The following RCSD1 variants were observed in gnomAD, a reference collection of about 807,000 sequenced individuals.
RCSD1 encodes capZ-interacting protein.
RCSD1 carries 26 observed loss-of-function variants against 42.5 expected under a neutral mutation model. That is an observed-to-expected ratio of 0.61 (90% CI 0.45 to 0.85). RCSD1 has a LOEUF of 0.85. Among genes scored for constraint, RCSD1 ranks in the 40% least tolerant of loss-of-function variants. The pLI, the probability that RCSD1 is intolerant of heterozygous loss-of-function variation, is 0.00. For missense variants in RCSD1, 571 were observed against 528.3 expected (o/e 1.08, Z -0.79); for synonymous variants, 220 against 212.2 (o/e 1.04, Z -0.32).
At chr1:167,668,205 A>T (rs1047998062) in intron 1 of RCSD1, among the ~76,000 whole-genome samples, 2 of 151,980 alleles carry the variant, frequency 1.3e-5, no homozygotes, top group Non-Finnish European at 2.9e-5. Context: ...GAATCGCTTG[A>T]ACCTGGCAGG....
chr1:167,687,486 G>T (rs1042858941), intron 3 of RCSD1, among the ~76,000 whole-genome samples: 1 of 148,250 alleles, frequency 6.7e-6, no homozygotes, highest in Non-Finnish European at 1.5e-5. Context: ...TCGCGCCACC[G>T]CACTCCAGCC....
In RCSD1 at chr1:167,648,979, A is replaced by C. The variant is rs742470; in HGVS notation, c.6+18550A>C. 3.3e-5 allele frequency among the ~76,000 whole-genome samples: 5 copies of C among 152,316 alleles called. No homozygotes were observed. In the East Asian group the frequency reaches 9.6e-4, roughly 29 times the overall value. Reference sequence around the variant, plus strand: ...GTAATAAAACTTGGATCCTGCCCTCAGGGAGGTTGCAGTCTGGTAAGACAG... The same window carrying C: ...GTAATAAAACTTGGATCCTGCCCTCCGGGAGGTTGCAGTCTGGTAAGACAG... On this transcript the variant is annotated intron_variant, in intron 1 of 6. Coordinates refer to ENST00000367854, the MANE Select transcript of RCSD1 (RefSeq NM_052862.4).
chr1:167,684,711 C>T (rs745921796), intron 2 of RCSD1, among the ~76,000 whole-genome samples: 33 of 152,050 alleles, frequency 2.2e-4, no homozygotes, highest in Non-Finnish European at 3.4e-4. Context: ...CCCGTCTCCA[C>T]TAAAAATACA....
chr1:167,662,705 C>T (rs1429904436), intron 1 of RCSD1, among the ~76,000 whole-genome samples: 1 of 152,160 alleles, frequency 6.6e-6, no homozygotes, highest in Non-Finnish European at 1.5e-5. Flanking sequence ...CAGGGAGTTC[C>T]ACTCCTAAAA....
intron 1 of RCSD1, among the ~76,000 whole-genome samples, chr1:167,659,194 G>C (rs1658490297): frequency 6.6e-6 from 1 of 152,026 alleles, no homozygotes; most frequent in Admixed American, 6.6e-5. Context: ...ATGTTGATTG[G>C]CGTTTTGAAT....
intron 1 of RCSD1, among the ~76,000 whole-genome samples, chr1:167,634,941 A>AGTGT (rs68149146): frequency 0.017 from 2,453 of 146,594 alleles, 57 homozygotes; most frequent in African/African-American, 0.051. Context: ...CTATGATGAG[A>AGTGT]GTGTGTGTGT....
At chr1:167,672,069 ACTC>A (rs200679630) in intron 1 of RCSD1, among the ~76,000 whole-genome samples, 15 of 149,206 alleles carry the variant, frequency 1.0e-4, no homozygotes, top group East Asian at 9.9e-4. Context: ...CTCAATGTCA[ACTC>A]CTCCTCCTCC....
intron 1 of RCSD1, among the ~76,000 whole-genome samples, chr1:167,678,334 C>T (rs1468107621): frequency 6.6e-6 from 1 of 152,172 alleles, no homozygotes; most frequent in African/African-American, 2.4e-5. Context: ...GTCTAATAGA[C>T]ATGTCAGACT....
At chr1:167,635,169 C>T (rs1387422897) in intron 1 of RCSD1, among the ~76,000 whole-genome samples, 3 of 152,098 alleles carry the variant, frequency 2.0e-5, no homozygotes, top group African/African-American at 4.8e-5. Context: ...CCCACAGCCT[C>T]GCTGTTTTTT....
chr1:167,662,832 G>A (rs1485402130), intron 1 of RCSD1, among the ~76,000 whole-genome samples: 1 of 152,160 alleles, frequency 6.6e-6, no homozygotes, highest in Non-Finnish European at 1.5e-5. Context: ...TGAGTTCCCT[G>A]GCCGAGTTTC....
chr1:167,630,720 CTAAAAA>C (rs1657674365), intron 1 of RCSD1: 1 of 3,640 alleles, frequency 2.7e-4, no homozygotes, highest in African/African-American at 5.1e-4. Flanking sequence ...AACTTAAATG[CTAAAAA>C]AAAAAAAAAA....
chr1:167,640,204 C>T (rs1314530208), intron 1 of RCSD1, among the ~76,000 whole-genome samples: 1 of 152,194 alleles, frequency 6.6e-6, no homozygotes, highest in Non-Finnish European at 1.5e-5. Context: ...CTCAAAACAA[C>T]AGAAACGTCT....
chr1:167,661,118 G>T (rs1239832725), intron 1 of RCSD1, among the ~76,000 whole-genome samples: 1 of 152,178 alleles, frequency 6.6e-6, no homozygotes, highest in Non-Finnish European at 1.5e-5. Context: ...TACATATTGG[G>T]ATTTCCTTAT....
intron 1 of RCSD1, among the ~76,000 whole-genome samples, chr1:167,660,058 C>T (rs1658506825): frequency 6.6e-6 from 1 of 152,220 alleles, no homozygotes; most frequent in African/African-American, 2.4e-5. Context: ...ATATTTACCC[C>T]TTCAGGATAG....
chr1:167,701,310 T>A (rs928673809), intron 6 of RCSD1, among the ~76,000 whole-genome samples: 1 of 148,572 alleles, frequency 6.7e-6, no homozygotes, highest in African/African-American at 2.6e-5. Flanking sequence ...CTTTCTTTCT[T>A]TCTTTCTTTT....
chr1:167,678,915 T>C (rs1055093307), intron 1 of RCSD1, among the ~76,000 whole-genome samples: 3 of 152,258 alleles, frequency 2.0e-5, no homozygotes, highest in Non-Finnish European at 2.9e-5. Context: ...ATTCAACTCA[T>C]GTGCTCTCTC....
intron 1 of RCSD1, among the ~76,000 whole-genome samples, chr1:167,638,956 G>A (rs1056811688): frequency 2.0e-5 from 3 of 152,206 alleles, no homozygotes; most frequent in African/African-American, 7.2e-5. Flanking sequence ...GGTGGCTTAT[G>A]CCTGTAATCC....
At chr1:167,667,688 T>G (rs1443735299) in intron 1 of RCSD1, among the ~76,000 whole-genome samples, 2 of 152,234 alleles carry the variant, frequency 1.3e-5, no homozygotes, top group Non-Finnish European at 2.9e-5. Flanking sequence ...CTTTGGTTAC[T>G]ATTTTAGGGA....
rs780489569 is a variant in RCSD1 at position 167,697,339 on chromosome 1, C to T, written c.715C>T (p.Leu239=). ...CCTGGGACCTGCTGAAAAGCCTCCT[C>T]TGAGGAGGTCACCCAGCAGGACAGA... ...RTLGPAEKPP[L]RRSPSRTEKQ... Residue 239 remains leucine, a synonymous_variant, in exon 6 of 7, where the codon CTG becomes TTG. Transcript: ENST00000367854. 6.2e-7 allele frequency: 1 copy of T among 1,614,054 alleles called. No homozygotes were observed. Among genetic ancestry groups the T allele is most frequent in the Non-Finnish European group, 8.5e-7 (1 of 1,179,980 alleles).
Sources: gnomAD v4.1 joint callset for allele counts (sites outside exome capture counted in the v4.1 genomes callset) on GRCh38, gnomAD v4.1.1 for gene constraint, MANE v1.5 for transcripts, NCBI Gene and HGNC (gene_info 2026-07-23, HGNC 2026-07-21) for gene names.